The following EDN1 variants were observed in gnomAD, a reference collection of about 807,000 sequenced individuals.
EDN1 encodes endothelin 1.
Under a neutral mutation model 21.7 loss-of-function variants are expected in EDN1, and 11 were observed. The observed-to-expected ratio is 0.51, with a 90% CI of 0.32 to 0.84. The LOEUF is 0.84. EDN1 is among the 40% of genes least tolerant of loss of function. The pLI is 0.03. For missense variants in EDN1, 244 were observed against 262.3 expected (o/e 0.93, Z 0.48); for synonymous variants, 85 against 90.6 (o/e 0.94, Z 0.35).
At chr6:12,275,623 T>G in the EDN1 span, among the ~76,000 whole-genome samples, 1 of 152,166 alleles carries the variant, frequency 6.6e-6, no homozygotes, top group Non-Finnish European at 1.5e-5. Flanking sequence ...CGTTTCTCAC[T>G]TTCTTCTTAA....
At chr6:12,294,916 T>C (rs1390932103) in intron 4 of EDN1, among the ~76,000 whole-genome samples, 1 of 117,500 alleles carries the variant, frequency 8.5e-6, no homozygotes, top group East Asian at 2.4e-4. Flanking sequence ...TTCAGGTTTA[T>C]GGTCTTTTTT....
the EDN1 span, among the ~76,000 whole-genome samples, chr6:12,262,380 G>A: frequency 6.6e-6 from 1 of 152,168 alleles, no homozygotes; most frequent in Non-Finnish European, 1.5e-5. Flanking sequence ...CCGGGACTGT[G>A]TGAAATCTTG....
the EDN1 span, among the ~76,000 whole-genome samples, chr6:12,249,173 A>G: frequency 6.6e-6 from 1 of 152,150 alleles, no homozygotes; most frequent in Non-Finnish European, 1.5e-5. Context: ...GCTCATATCA[A>G]TGCTGCTGGT....
At chr6:12,258,379 G>A in the EDN1 span, among the ~76,000 whole-genome samples, 13 of 148,060 alleles carry the variant, frequency 8.8e-5, no homozygotes, top group Non-Finnish European at 1.8e-4. Context: ...AGCCTGGGAG[G>A]TCAAGGCTGC....
chr6:12,280,669 C>T, the EDN1 span, among the ~76,000 whole-genome samples: 13 of 152,046 alleles, frequency 8.6e-5, no homozygotes, highest in East Asian at 1.9e-4. Context: ...CTGAGACGGA[C>T]GGATCGCCTG....
chr6:12,258,643 C>A, the EDN1 span, among the ~76,000 whole-genome samples: 3 of 152,228 alleles, frequency 2.0e-5, no homozygotes, highest in East Asian at 5.8e-4. Flanking sequence ...CGTGTGTGAA[C>A]CTTACATTGG....
upstream of EDN1, among the ~76,000 whole-genome samples, chr6:12,285,938 G>T (rs1261159055): frequency 6.6e-6 from 1 of 152,204 alleles, no homozygotes; most frequent in East Asian, 1.9e-4. Context: ...ATTTCATGTA[G>T]TTTTTTTAAC....
intron 1 of EDN1, 36 bp downstream of exon 1, chr6:12,290,729 ACAAGTT>A: frequency 6.4e-7 from 1 of 1,573,060 alleles, no homozygotes; most frequent in South Asian, 1.1e-5. Flanking sequence ...TCTCGGAATT[ACAAGTT>A]AGTGTGTTCT....
the EDN1 span, among the ~76,000 whole-genome samples, chr6:12,242,668 C>T: frequency 6.6e-6 from 1 of 151,872 alleles, no homozygotes; most frequent in Non-Finnish European, 1.5e-5. Context: ...TGGATCTCAG[C>T]CTTGCTGCTC....
the EDN1 span, among the ~76,000 whole-genome samples, chr6:12,259,963 ATAAT>A: frequency 0.076 from 11,553 of 152,064 alleles, 1,447 homozygotes; most frequent in African/African-American, 0.26. Flanking sequence ...TTAAAGTAAA[ATAAT>A]TAACCCTATA....
chr6:12,243,365 G>A, the EDN1 span, among the ~76,000 whole-genome samples: 7 of 151,672 alleles, frequency 4.6e-5, no homozygotes, highest in Admixed American at 1.3e-4. Context: ...TCTCAGGGGC[G>A]GCAGAGGTGG....
At chr6:12,235,992 A>G in the EDN1 span, among the ~76,000 whole-genome samples, 1 of 152,214 alleles carries the variant, frequency 6.6e-6, no homozygotes, top group Non-Finnish European at 1.5e-5. Flanking sequence ...GCAGACTTTC[A>G]AAAGATTGTT....
chr6:12,270,897 T>G, the EDN1 span, among the ~76,000 whole-genome samples: 1 of 152,218 alleles, frequency 6.6e-6, no homozygotes, highest in Non-Finnish European at 1.5e-5. Flanking sequence ...ATCATTGTAT[T>G]GAGGTCTCTC....
the EDN1 span, among the ~76,000 whole-genome samples, chr6:12,233,469 C>T: frequency 2.0e-5 from 3 of 152,172 alleles, no homozygotes; most frequent in East Asian, 1.9e-4. Context: ...GTCCAGGTAG[C>T]GACTGCACCA....
At chr6:12,290,826 T>A (rs1223460198) in intron 1 of EDN1, 133 bp downstream of exon 1, 1 of 809,252 alleles carries the variant, frequency 1.2e-6, no homozygotes, top group Non-Finnish European at 2.1e-6. Flanking sequence ...TGTCTGAGAA[T>A]TATTGCTGAA....
the EDN1 span, among the ~76,000 whole-genome samples, chr6:12,256,286 G>A: frequency 1.3e-5 from 2 of 152,164 alleles, no homozygotes; most frequent in African/African-American, 2.4e-5. Context: ...CCAGGAGGCC[G>A]AGGCTACAGT....
At chr6:12,237,955 A>G in the EDN1 span, among the ~76,000 whole-genome samples, 112 of 149,940 alleles carry the variant, frequency 7.5e-4, no homozygotes, top group African/African-American at 2.6e-3. Flanking sequence ...GGATCACTTG[A>G]GGTCAGGAGT....
At chr6:12,285,064 A>G in the EDN1 span, among the ~76,000 whole-genome samples, 3 of 152,178 alleles carry the variant, frequency 2.0e-5, no homozygotes, top group African/African-American at 7.2e-5. Context: ...GAGATGTGTG[A>G]AATATGATTC....
At chr6:12,259,941 A>G in the EDN1 span, among the ~76,000 whole-genome samples, 1 of 151,098 alleles carries the variant, frequency 6.6e-6, no homozygotes, top group African/African-American at 2.5e-5. Context: ...TACCAAGATA[A>G]ATCTAAAAAC....
Sources: allele counts gnomAD v4.1 joint callset (sites outside exome capture counted in the v4.1 genomes callset), GRCh38; gene constraint gnomAD v4.1.1; transcripts MANE v1.5; gene names NCBI Gene and HGNC (gene_info 2026-07-23, HGNC 2026-07-21).